The following POTEG variants were observed in gnomAD, a reference collection of about 807,000 sequenced individuals.
POTEG encodes ANKRD26-like family C member 2.
A neutral mutation model predicts 49.6 loss-of-function variants in POTEG; 2 were observed. That is an observed-to-expected ratio of 0.04 (90% CI 0.02 to 0.13). POTEG has a LOEUF of 0.13. POTEG is among the 10% of genes least tolerant of loss of function. The pLI, the probability that POTEG is intolerant of heterozygous loss-of-function variation, is 1.00. For synonymous variants in POTEG, 7 were observed against 186.6 expected, an observed-to-expected ratio of 0.04 and a Z score of 7.84; for missense variants, 26 against 545.2, an observed-to-expected ratio of 0.05 and a Z score of 9.48.
At chr14:19,433,091 A>AT (rs1209719147) in intron 1 of POTEG, among the ~76,000 whole-genome samples, 142 of 140,710 alleles carry the variant, frequency 1.0e-3, no homozygotes, top group African/African-American at 3.6e-3. Flanking sequence ...CGTCCAGCTA[A>AT]TTTTTTTTAT....
At chr14:19,432,398 A>G (rs1884179469) in intron 1 of POTEG, among the ~76,000 whole-genome samples, 2 of 92,178 alleles carry the variant, frequency 2.2e-5, no homozygotes, top group East Asian at 2.4e-4. Context: ...ATATATATAT[A>G]TATATACACA....
At chr14:19,414,082 G>A in intron 8 of POTEG, among the ~76,000 whole-genome samples, 1 of 93,596 alleles carries the variant, frequency 1.1e-5, no homozygotes, top group Non-Finnish European at 2.4e-5. Context: ...ACACGAAGGT[G>A]CTCACTGAAA....
At chr14:19,424,978 C>T (rs1401105535) in intron 4 of POTEG, 178 of 111,758 alleles carry the variant, frequency 1.6e-3, no homozygotes, top group African/African-American at 6.2e-3. Context: ...CACCCACCTA[C>T]GGCTTGTCTT....
intron 8 of POTEG, among the ~76,000 whole-genome samples, chr14:19,414,361 C>T (rs1343213760): frequency 6.8e-6 from 1 of 145,998 alleles, no homozygotes; most frequent in African/African-American, 2.5e-5. Flanking sequence ...GGGACTATTC[C>T]ATAATAATGA....
intron 1 of POTEG, among the ~76,000 whole-genome samples, chr14:19,432,353 A>G (rs1386734658): frequency 2.3e-5 from 2 of 88,522 alleles, no homozygotes; most frequent in African/African-American, 7.6e-5. Context: ...ATCAAAAAAA[A>G]AAAAGAAATT....
At chr14:19,433,091 ATTT>A (rs1209719147) in intron 1 of POTEG, among the ~76,000 whole-genome samples, 1 of 140,840 alleles carries the variant, frequency 7.1e-6, no homozygotes, top group African/African-American at 2.7e-5. Context: ...CGTCCAGCTA[ATTT>A]TTTTTATATT....
At chr14:19,417,374 G>C (rs1159985596) in intron 6 of POTEG, among the ~76,000 whole-genome samples, 11 of 65,908 alleles carry the variant, frequency 1.7e-4, no homozygotes, top group African/African-American at 7.3e-4. Context: ...CTAGGCATTA[G>C]GGTCTAAAAA....
At chr14:19,427,197 TGTTA>T (rs1883991212) in intron 3 of POTEG, among the ~76,000 whole-genome samples, 1 of 152,308 alleles carries the variant, frequency 6.6e-6, no homozygotes, top group African/African-American at 2.4e-5. Flanking sequence ...TTGCTGTCGT[TGTTA>T]GAGACAGGGG....
chr14:19,426,363 T>C (rs1407033930), intron 3 of POTEG, among the ~76,000 whole-genome samples: 1 of 148,176 alleles, frequency 6.7e-6, no homozygotes, highest in African/African-American at 2.5e-5. Flanking sequence ...AAAACTGCCA[T>C]GCTGATTATG....
chr14:19,426,549 C>T (rs1347515105), intron 3 of POTEG, among the ~76,000 whole-genome samples: 6 of 152,274 alleles, frequency 3.9e-5, no homozygotes, highest in African/African-American at 1.4e-4. Context: ...AGAGGGCCAT[C>T]CTCTACTTAT....
chr14:19,405,554 GAT>G (rs1168486539), intron 9 of POTEG, among the ~76,000 whole-genome samples: 2 of 51,170 alleles, frequency 3.9e-5, no homozygotes, highest in African/African-American at 9.2e-5. Flanking sequence ...ATGAGAGAGA[GAT>G]GTGAAATAAA....
chr14:19,405,584 T>C (rs1883274787), intron 9 of POTEG, among the ~76,000 whole-genome samples: 1 of 56,782 alleles, frequency 1.8e-5, no homozygotes, highest in African/African-American at 4.2e-5. Context: ...TTAAGCATTT[T>C]CCATTTTACT....
chr14:19,426,990 T>TAAAAAAA (rs372154880), intron 3 of POTEG: 22 of 286,002 alleles, frequency 7.7e-5, no homozygotes, highest in East Asian at 9.7e-5. Context: ...AGACTCAATC[T>TAAAAAAA]AAAAAAAAAA....
intron 6 of POTEG, among the ~76,000 whole-genome samples, chr14:19,418,983 A>T (rs562001820): frequency 4.4e-5 from 5 of 114,756 alleles, no homozygotes; most frequent in African/African-American, 1.2e-4. Context: ...AAGCTAAACA[A>T]ATGAAAAAAG....
At chr14:19,429,491 C>CA (rs1447050775) in intron 1 of POTEG, among the ~76,000 whole-genome samples, 1 of 113,942 alleles carries the variant, frequency 8.8e-6, no homozygotes, top group Non-Finnish European at 1.9e-5. Context: ...CCTACACTTT[C>CA]AGGTGTGTTT....
intron 1 of POTEG, among the ~76,000 whole-genome samples, chr14:19,432,372 A>ATG (rs1884170851): frequency 7.0e-5 from 5 of 70,946 alleles, no homozygotes; most frequent in Non-Finnish European, 1.5e-4. Context: ...TTTTGTATAT[A>ATG]TATATATATA....
At chr14:19,420,062 G>A (rs1354270658) in intron 6 of POTEG, among the ~76,000 whole-genome samples, 11 of 123,382 alleles carry the variant, frequency 8.9e-5, no homozygotes, top group African/African-American at 3.4e-4. Context: ...GTTCACTCAA[G>A]CATCTTGTCT....
At chr14:19,419,972 G>C (rs1883690228) in intron 6 of POTEG, among the ~76,000 whole-genome samples, 1 of 143,408 alleles carries the variant, frequency 7.0e-6, no homozygotes, top group Admixed American at 7.0e-5. Context: ...TGCCTTAGCT[G>C]AGTATTCACC....
At chr14:19,424,816 A>C (rs1883890026) in intron 4 of POTEG, 1 of 30,238 alleles carries the variant, frequency 3.3e-5, no homozygotes, top group Admixed American at 2.9e-4. Flanking sequence ...TATGCACAGC[A>C]AACTTTGAAG....
Sources: allele counts gnomAD v4.1 joint callset (sites outside exome capture counted in the v4.1 genomes callset), GRCh38; gene constraint gnomAD v4.1.1; transcripts MANE v1.5; gene names NCBI Gene and HGNC (gene_info 2026-07-23, HGNC 2026-07-21).